Variants in HMGA2 observed in about 807,000 individuals in gnomAD.
HMGA2 encodes the protein high mobility group AT-hook 2, also known as high mobility group protein HMGI-C.
Under a neutral mutation model 19.1 loss-of-function variants are expected in HMGA2, and 8 were observed. The observed-to-expected ratio is 0.42, with a 90% CI of 0.25 to 0.76. HMGA2 has a LOEUF of 0.76. Ranked by LOEUF, HMGA2 falls within the 30% of genes least tolerant of loss-of-function variation. HMGA2 has a pLI of 0.28. For missense variants in HMGA2, 109 were observed against 136.3 expected, an observed-to-expected ratio of 0.80 and a Z score of 1.00; for synonymous variants, 60 against 48.8, an observed-to-expected ratio of 1.23 and a Z score of -0.96.
At chr12:65,838,639 T>C (rs1870845176) in intron 3 of HMGA2, 70 bp downstream of exon 3, 15 of 1,113,280 alleles carry the variant, frequency 1.3e-5, no homozygotes, top group Admixed American at 2.0e-5. Context: ...ATGAGAAAAG[T>C]TTTATTTCGT....
At chr12:65,893,679 T>C (rs1366052672) in intron 3 of HMGA2, among the ~76,000 whole-genome samples, 1 of 152,122 alleles carries the variant, frequency 6.6e-6, no homozygotes, top group African/African-American at 2.4e-5. Context: ...TGGCTACTGG[T>C]AAAGAGGTCA....
At chr12:65,916,145 C>G (rs1875092670) in intron 3 of HMGA2, among the ~76,000 whole-genome samples, 1 of 152,160 alleles carries the variant, frequency 6.6e-6, no homozygotes, top group African/African-American at 2.4e-5. Flanking sequence ...TGCAGTGGAC[C>G]ATTACATTTT....
At chr12:65,861,509 A>G (rs1872066560) in intron 3 of HMGA2, among the ~76,000 whole-genome samples, 3 of 152,230 alleles carry the variant, frequency 2.0e-5, no homozygotes, top group South Asian at 4.1e-4. Context: ...ATCATTTTAT[A>G]TATGTGGGTC....
chr12:65,950,340 G>A (rs993348060), intron 3 of HMGA2, among the ~76,000 whole-genome samples: 9 of 152,186 alleles, frequency 5.9e-5, no homozygotes, highest in African/African-American at 2.2e-4. Flanking sequence ...GTAAAATGTG[G>A]TATACCCATA....
intron 3 of HMGA2, among the ~76,000 whole-genome samples, chr12:65,921,379 C>T (rs989837849): frequency 4.6e-5 from 7 of 152,106 alleles, no homozygotes; most frequent in African/African-American, 1.7e-4. Context: ...CCTGCCTCAG[C>T]CTGGGACTAC....
intron 3 of HMGA2, chr12:65,843,223 C>T: frequency 4.4e-6 from 1 of 225,492 alleles, no homozygotes; most frequent in Non-Finnish European, 8.8e-6. Flanking sequence ...TCCCAGCAAT[C>T]CCCAGCTGGT....
Position 65,834,169 on chromosome 12 carries a change from A to G in HMGA2, c.199-4350A>G, listed in dbSNP as rs145830895. ...TACTCTTTCCACTACCATGTGCTGA[A>G]TGTTCTGTAAAATATTTGTTACAAG... On this transcript the variant is annotated intron_variant, in intron 2 of 4. Transcript: ENST00000403681. Among the ~76,000 whole-genome samples the G allele has an allele frequency of 1.2e-4, 18 of 152,292 alleles. No homozygotes were observed. In the East Asian group the frequency reaches 2.7e-3, roughly 23 times the overall value.
intron 3 of HMGA2, 77 bp downstream of exon 3, chr12:65,838,646 T>A: frequency 9.6e-7 from 1 of 1,042,184 alleles, no homozygotes; most frequent in Non-Finnish European, 1.5e-6. Context: ...AAGTTTTATT[T>A]CGTCGATTAC....
At chr12:65,895,477 T>C (rs771470425) in intron 3 of HMGA2, among the ~76,000 whole-genome samples, 2 of 152,224 alleles carry the variant, frequency 1.3e-5, no homozygotes, top group Non-Finnish European at 2.9e-5. Context: ...GTGGCAACTT[T>C]TTCCTACCAG....
At chr12:65,941,212 G>T (rs764913524) in intron 3 of HMGA2, among the ~76,000 whole-genome samples, 3 of 152,112 alleles carry the variant, frequency 2.0e-5, no homozygotes, top group Non-Finnish European at 4.4e-5. Context: ...CAAGACGAAT[G>T]AAGTATTTGA....
At chr12:65,842,313 A>G in intron 3 of HMGA2, 2 of 617,184 alleles carry the variant, frequency 3.2e-6, no homozygotes, top group Non-Finnish European at 5.9e-6. Context: ...AGGGCTTAAT[A>G]AAGAGCATGG....
intron 3 of HMGA2, among the ~76,000 whole-genome samples, chr12:65,916,293 TA>T (rs1875099062): frequency 1.3e-5 from 2 of 152,096 alleles, no homozygotes; most frequent in Non-Finnish European, 2.9e-5. Context: ...AAAAAGTGTG[TA>T]AAAAGGGATG....
chr12:65,859,486 A>C (rs1264430032), intron 3 of HMGA2: 1 of 152,208 alleles, frequency 6.6e-6, no homozygotes, highest in Non-Finnish European at 1.5e-5. Context: ...ATGTAGCCGA[A>C]AGCTCTATTT....
chr12:65,869,230 T>A (rs1438679507), intron 3 of HMGA2, among the ~76,000 whole-genome samples: 1 of 152,190 alleles, frequency 6.6e-6, no homozygotes, highest in Non-Finnish European at 1.5e-5. Context: ...CATCATCATG[T>A]ACATTCATAA....
chr12:65,926,846 A>G (rs1329770912), intron 3 of HMGA2, among the ~76,000 whole-genome samples: 1 of 152,158 alleles, frequency 6.6e-6, no homozygotes, highest in East Asian at 1.9e-4. Context: ...GGTTTGGGTG[A>G]CAGAAATGCA....
intron 3 of HMGA2, among the ~76,000 whole-genome samples, chr12:65,904,422 C>T (rs140077046): frequency 7.9e-5 from 12 of 152,202 alleles, no homozygotes; most frequent in African/African-American, 2.7e-4. Context: ...TGTTTTTCCA[C>T]AGTAGAAAGC....
intron 3 of HMGA2, among the ~76,000 whole-genome samples, chr12:65,932,263 A>T (rs890565484): frequency 1.3e-5 from 2 of 152,200 alleles, no homozygotes; most frequent in African/African-American, 4.8e-5. Context: ...AATTTTGTTA[A>T]TGTGGTTGTA....
chr12:65,847,802 C>T (rs563752650), intron 3 of HMGA2, among the ~76,000 whole-genome samples: 34 of 152,276 alleles, frequency 2.2e-4, no homozygotes, highest in South Asian at 6.2e-4. Flanking sequence ...GTCTCAGGCC[C>T]ATAATGGTGC....
At chr12:65,831,085 G>A (rs991641115) in intron 2 of HMGA2, 16 of 151,784 alleles carry the variant, frequency 1.1e-4, no homozygotes, top group African/African-American at 1.4e-4. Flanking sequence ...GTGTGTATAC[G>A]TCTGTGTGAG....
Sources: allele counts gnomAD v4.1 joint callset (sites outside exome capture counted in the v4.1 genomes callset), GRCh38; gene constraint gnomAD v4.1.1; transcripts MANE v1.5; gene names NCBI Gene and HGNC (gene_info 2026-07-23, HGNC 2026-07-21).